HEATR3: variants seen among roughly 807,000 people sequenced by gnomAD.
The protein encoded by HEATR3 is HEAT repeat containing 3.
A neutral mutation model predicts 72.8 loss-of-function variants in HEATR3; 56 were observed. The ratio of observed to expected loss-of-function variants is 0.77; its 90% confidence interval spans 0.62 to 0.96. HEATR3 has a LOEUF of 0.96. Ranked by LOEUF, HEATR3 falls within the 40% of genes least tolerant of loss-of-function variation. HEATR3 has a pLI of 0.00. For missense variants in HEATR3, 747 were observed against 831.4 expected, an observed-to-expected ratio of 0.90 and a Z score of 1.25; for synonymous variants, 331 against 318.1, an observed-to-expected ratio of 1.04 and a Z score of -0.43.
intron 11 of HEATR3, 130 bp downstream of exon 11, chr16:50,086,481 G>A: frequency 1.0e-6 from 1 of 981,446 alleles, no homozygotes; most frequent in Non-Finnish European, 1.5e-6. Context: ...CAGGAATCAT[G>A]TATTTATAGT....
At chr16:50,068,888 C>A in intron 3 of HEATR3, 21 bp downstream of exon 3, 1 of 1,570,114 alleles carries the variant, frequency 6.4e-7, no homozygotes, top group South Asian at 1.1e-5. Context: ...TTTACAGTAT[C>A]TTGATGGTAG....
At position 50,105,462 on chromosome 16, in the gene HEATR3, CAA is replaced by C. The variant is rs527830011; in HGVS notation, c.*421_*422del. Reference sequence around the variant, plus strand: ...GGGTGACAGAGGGAGACCCTGTCTCCAAAAAAAAAAAAAAAAAAAAACTTCAA... The same window carrying C: ...GGGTGACAGAGGGAGACCCTGTCTCCAAAAAAAAAAAAAAAAAAACTTCAA... On this transcript the variant is annotated 3_prime_UTR_variant, in exon 15 of 15. Transcript: ENST00000299192. 1.6e-4 allele frequency: 12 copies of C among 72,874 alleles called. No homozygotes were observed. The highest frequency in any genetic ancestry group is 1.7e-4 in the Non-Finnish European group (6 of 36,238). The allele number at this position is 72,874 out of a possible 1,614,324, so 4.5% of individuals were successfully genotyped here.
intron 4 of HEATR3, 125 bp downstream of exon 4, chr16:50,070,415 A>T: frequency 2.4e-6 from 1 of 421,884 alleles, no homozygotes; most frequent in Non-Finnish European, 4.3e-6. Flanking sequence ...AAGACATGGT[A>T]GGGGCCGGAC....
At chr16:50,067,346 C>T (rs2036520099) in intron 2 of HEATR3, among the ~76,000 whole-genome samples, 1 of 149,508 alleles carries the variant, frequency 6.7e-6, no homozygotes. Context: ...TAGAACAAGA[C>T]CCTGTCTCAA....
Position 50,084,194 on chromosome 16 carries a change from A to G in HEATR3, c.1193A>G (p.Glu398Gly), listed in dbSNP as rs1323247055. ...AGTGATGAAAGTGACGCATTTATGGAGAATTCCTTCAGTGAGTGCGGGGGA... is the reference window on the plus strand; with the variant it reads ...AGTGATGAAAGTGACGCATTTATGGGGAATTCCTTCAGTGAGTGCGGGGGA... ...SSSDESDAFM[E>G]NSFSECGGQL... The change falls in exon 9 of 15, where the codon GAG (glutamate) becomes GGG (glycine). Residue 398 changes from glutamate (E) to glycine (G), a missense_variant. By Grantham distance (98) the Glu-to-Gly change is moderately conservative. Coordinates refer to ENST00000299192, the MANE Select transcript of HEATR3 (RefSeq NM_182922.4). 2 of 1,614,192 alleles carry G rather than the reference A, an allele frequency of 1.2e-6. No homozygotes were observed. The highest frequency in any genetic ancestry group is 1.3e-5 in the African/African-American group (1 of 75,044).
intron 6 of HEATR3, among the ~76,000 whole-genome samples, chr16:50,078,464 A>T (rs1445096510): frequency 6.6e-6 from 1 of 152,192 alleles, no homozygotes; most frequent in Non-Finnish European, 1.5e-5. Context: ...TTGTCATTTT[A>T]AAAGAAACTT....
chr16:50,083,810 A>G lies in HEATR3; in HGVS notation c.1042-127A>G, dbSNP rs1039440330. ...GCACTTCATGACTTTTCTTTTACCT[A>G]CCCCATTCCCCGTGTGCTCTATTCC... On this transcript the variant is annotated intron_variant, in intron 7 of 14. Coordinates refer to ENST00000299192, the MANE Select transcript of HEATR3 (RefSeq NM_182922.4). 3.7e-5 allele frequency: 26 copies of G among 707,776 alleles called. No individual in the cohort carries two copies. The Middle Eastern group carries it at 1.0e-3, about 27-fold the overall frequency. The allele number at this position is 707,776 out of a possible 1,614,324, so 43.8% of individuals were successfully genotyped here.
At chr16:50,080,985 G>A (rs1292384662) in intron 7 of HEATR3, among the ~76,000 whole-genome samples, 1 of 152,236 alleles carries the variant, frequency 6.6e-6, no homozygotes, top group East Asian at 1.9e-4. Flanking sequence ...TCTACAGGGA[G>A]TAAGGTTGGG....
At chr16:50,070,517 CTG>C (rs2036588547) in intron 4 of HEATR3, among the ~76,000 whole-genome samples, 1 of 152,054 alleles carries the variant, frequency 6.6e-6, no homozygotes, top group African/African-American at 2.4e-5. Context: ...CTGGCCAACA[CTG>C]TGAAACCCCG....
intron 12 of HEATR3, 90 bp from the exon 13 acceptor site, chr16:50,100,140 T>C: frequency 7.9e-7 from 1 of 1,259,020 alleles, no homozygotes; most frequent in South Asian, 1.4e-5. Flanking sequence ...CTGTAGCCTA[T>C]AGAGGAGATT....
chr16:50,100,942 G>A (rs1039635956), intron 13 of HEATR3, among the ~76,000 whole-genome samples: 1 of 152,132 alleles, frequency 6.6e-6, no homozygotes, highest in African/African-American at 2.4e-5. Flanking sequence ...TAATTAAAAG[G>A]ACAGTCATAG....
chr16:50,086,266 C>T lies in HEATR3; in HGVS notation c.1425C>T (p.Ser475=), dbSNP rs1476625283. ...RALFCLQSLV[S]LLDVEHLGGA... ...TCTTCTGTCTCCAGAGTCTTGTGTC[C>T]CTCCTGGATGTGGAGCACCTGGGAG... The change falls in exon 11 of 15, where the codon TCC becomes TCT. Residue 475 remains serine, a synonymous_variant. Transcript: ENST00000299192. The T allele has an allele frequency of 6.3e-7, 1 of 1,583,696 alleles. No individual in the cohort carries two copies. Among genetic ancestry groups the T allele is most frequent in the East Asian group, 2.3e-5 (1 of 44,198 alleles).
chr16:50,090,075 G>T (rs2037075071), intron 11 of HEATR3, among the ~76,000 whole-genome samples: 2 of 152,262 alleles, frequency 1.3e-5, no homozygotes, highest in Admixed American at 1.3e-4. Context: ...TTTAGTGGGG[G>T]CTGGCCACGG....
intron 11 of HEATR3, among the ~76,000 whole-genome samples, chr16:50,091,894 A>T (rs1043735710): frequency 2.1e-5 from 3 of 141,852 alleles, no homozygotes; most frequent in African/African-American, 9.3e-5. Context: ...AAAAAAAAAT[A>T]TCGTTCAAAG....
Position 50,084,562 on chromosome 16 carries a change from A to T in HEATR3, c.1291-7A>T, listed in dbSNP as rs911494286. 1 of 1,603,624 alleles carries T rather than the reference A, an allele frequency of 6.2e-7. No individual in the cohort carries two copies. Among genetic ancestry groups the T allele is most frequent in the African/African-American group, 1.3e-5 (1 of 74,612 alleles). On this transcript the variant is annotated splice_polypyrimidine_tract_variant and splice_region_variant and intron_variant, in intron 9 of 14. Transcript: ENST00000299192. ...AACCTTTGCTTTACTGCCTCTTTTA[A>T]ATCTAGATTTTTGAGAAAACTGCCT...
intron 11 of HEATR3, among the ~76,000 whole-genome samples, chr16:50,087,667 C>A (rs1334698952): frequency 6.6e-6 from 1 of 152,202 alleles, no homozygotes; most frequent in Admixed American, 6.5e-5. Flanking sequence ...CCCTCTCTCT[C>A]AGCTGCTGAG....
At chr16:50,076,017 GT>G (rs34176576) in intron 6 of HEATR3, among the ~76,000 whole-genome samples, 23 of 148,516 alleles carry the variant, frequency 1.5e-4, no homozygotes, top group African/African-American at 1.7e-4. Context: ...TTTTCCATAA[GT>G]TTTTTTTTTT....
intron 11 of HEATR3, among the ~76,000 whole-genome samples, chr16:50,089,668 C>CT (rs999641602): frequency 9.9e-5 from 15 of 151,278 alleles, no homozygotes; most frequent in Non-Finnish European, 1.8e-4. Context: ...AGATGATATT[C>CT]TTTTTTTTTC....
intron 10 of HEATR3, among the ~76,000 whole-genome samples, chr16:50,085,480 A>G (rs2036968177): frequency 2.6e-5 from 4 of 151,434 alleles, no homozygotes; most frequent in Admixed American, 2.6e-4. Context: ...AAAAAAATAC[A>G]AAAATTAGCC....
Sources: allele counts gnomAD v4.1 joint callset (sites outside exome capture counted in the v4.1 genomes callset), GRCh38; gene constraint gnomAD v4.1.1; transcripts MANE v1.5; gene names NCBI Gene and HGNC (gene_info 2026-07-23, HGNC 2026-07-21).